APOH: variants seen among roughly 807,000 people sequenced by gnomAD.
APOH encodes beta-2-glycoprotein 1.
Under a neutral mutation model 39.8 loss-of-function variants are expected in APOH, and 48 were observed. The ratio of observed to expected loss-of-function variants is 1.21; its 90% confidence interval spans 0.96 to 1.54. The LOEUF is 1.54. Ranked by LOEUF, APOH falls within the 40% of genes most tolerant of loss-of-function variation. The pLI is 0.00. For synonymous variants in APOH, 153 were observed against 151.1 expected (o/e 1.01, Z -0.09); for missense variants, 415 against 421.2 (o/e 0.99, Z 0.13).
chr17:66,229,143 G>A (rs2073459120), intron 1 of APOH, among the ~76,000 whole-genome samples, 173 bp downstream of exon 1: 1 of 151,988 alleles, frequency 6.6e-6, no homozygotes, highest in Non-Finnish European at 1.5e-5. Flanking sequence ...CACCATGTTG[G>A]CCAGACTGGT....
chr17:66,220,423 A>AT (rs2073390102), intron 5 of APOH, 131 bp downstream of exon 5: 9 of 832,540 alleles, frequency 1.1e-5, no homozygotes, highest in Middle Eastern at 3.1e-4. Flanking sequence ...TGCCTGGCAC[A>AT]TGGTAGATGC....
chr17:66,224,678 G>A (rs1180729829), intron 3 of APOH, among the ~76,000 whole-genome samples: 3 of 50,884 alleles, frequency 5.9e-5, no homozygotes, highest in African/African-American at 3.2e-4. Flanking sequence ...GAAGGGAAGG[G>A]AAGGGAAGGG....
At chr17:66,225,033 C>T (rs1263833543) in intron 3 of APOH, among the ~76,000 whole-genome samples, 1 of 149,828 alleles carries the variant, frequency 6.7e-6, no homozygotes, top group Non-Finnish European at 1.5e-5. Flanking sequence ...CACCACTGCA[C>T]TCTAGCCTGG....
intron 7 of APOH, 120 bp from the exon 8 acceptor site, chr17:66,212,308 TG>T (rs1239957149): frequency 2.6e-6 from 2 of 757,342 alleles, no homozygotes; most frequent in East Asian, 5.5e-5. Flanking sequence ...ATTATGTGAA[TG>T]AAACCATTTA....
At chr17:66,222,292 G>A (rs534232498) in intron 4 of APOH, among the ~76,000 whole-genome samples, 1 of 152,020 alleles carries the variant, frequency 6.6e-6, no homozygotes, top group Non-Finnish European at 1.5e-5. Context: ...AGGAGACTGA[G>A]AGGATCACTT....
intron 7 of APOH, among the ~76,000 whole-genome samples, chr17:66,212,808 A>AG (rs1191806620): frequency 2.0e-5 from 3 of 152,230 alleles, no homozygotes; most frequent in African/African-American, 7.2e-5. Flanking sequence ...AAAGACCATA[A>AG]GGGAGAAGAT....
At chr17:66,219,500 T>C (rs2073384752) in intron 5 of APOH, among the ~76,000 whole-genome samples, 1 of 152,170 alleles carries the variant, frequency 6.6e-6, no homozygotes, top group Admixed American at 6.5e-5. Context: ...GGCCCATAGT[T>C]GAGTGCCCAG....
Position 66,216,828 on chromosome 17 carries a change from AC to A in APOH, c.743del (p.Cys248LeufsTer21). ...YSLDGPEEIE[C>X]TKLGNWSAMP... ...TGGCAGACCAGTTTCCCAGTTTGGT[AC>A]ATTCTATTTCTTCCGGGCCATCCAG... is the stretch of plus-strand genomic sequence containing the variant. On this transcript the variant is annotated frameshift_variant, in exon 6 of 8. Coordinates refer to ENST00000205948, the MANE Select transcript of APOH (RefSeq NM_000042.3). LOFTEE classifies it high-confidence loss of function. 2.5e-6 allele frequency: 4 copies of A among 1,609,742 alleles called. No homozygotes were observed. In the Admixed American group the frequency reaches 5.1e-5, roughly 20 times the overall value.
intron 3 of APOH, among the ~76,000 whole-genome samples, chr17:66,224,423 A>G (rs1402059036): frequency 1.5e-5 from 2 of 133,808 alleles, no homozygotes; most frequent in African/African-American, 5.7e-5. Context: ...GCAGTGAGCC[A>G]TGATTGTGCC....
intron 2 of APOH, 96 bp downstream of exon 2, chr17:66,227,924 G>A: frequency 7.6e-7 from 1 of 1,322,896 alleles, no homozygotes; most frequent in Non-Finnish European, 1.1e-6. Flanking sequence ...GCATCTACTG[G>A]CCCTCTGCAC....
intron 2 of APOH, among the ~76,000 whole-genome samples, chr17:66,226,891 A>ATTTTT (rs1314489486): frequency 4.1e-5 from 4 of 96,644 alleles, no homozygotes; most frequent in African/African-American, 1.7e-4. Context: ...TTATTTATTT[A>ATTTTT]TTTATTTTTT....
At chr17:66,220,478 T>C (rs929732884) in intron 5 of APOH, 76 bp downstream of exon 5, 51 of 1,404,958 alleles carry the variant, frequency 3.6e-5, no homozygotes, top group African/African-American at 8.4e-5. Context: ...CACTCCATGA[T>C]AGTCAGAATT....
chr17:66,220,298 C>T (rs757732490), intron 5 of APOH, among the ~76,000 whole-genome samples: 1 of 152,174 alleles, frequency 6.6e-6, no homozygotes, highest in Non-Finnish European at 1.5e-5. Context: ...TTTCAAAGGT[C>T]ACCACCTATG....
chr17:66,218,616 T>C (rs2146993420), intron 5 of APOH, among the ~76,000 whole-genome samples: 2 of 152,258 alleles, frequency 1.3e-5, no homozygotes, highest in African/African-American at 4.8e-5. Flanking sequence ...AATCTAATCA[T>C]GAGTAAATAA....
chr17:66,221,413 AAGG>A lies in APOH; in HGVS notation c.416-674_416-672del, dbSNP rs201177771. Among the ~76,000 whole-genome samples, 61 of 66,698 alleles carry A rather than the reference AAGG, an allele frequency of 9.1e-4. 4 individuals carry two copies. Among genetic ancestry groups the A allele is most frequent in the African/African-American group, 3.0e-3 (28 of 9,332 alleles). 43.8% of individuals were successfully genotyped at this position (66,698 alleles called of 152,430 possible). A position where few individuals can be genotyped will look rare whatever the true frequency, so the allele number is the denominator to read the frequency against. ...GAAGGAAGGAAGGAAGGAAGGAAGGAAGGAAGGAAGGAAGGAAGCCCTCAAGTC... is the reference window on the plus strand; with the variant it reads ...GAAGGAAGGAAGGAAGGAAGGAAGGAAAGGAAGGAAGGAAGCCCTCAAGTC... On this transcript the variant is annotated intron_variant, in intron 4 of 7. Coordinates refer to ENST00000205948, the MANE Select transcript of APOH (RefSeq NM_000042.3).
intron 2 of APOH, among the ~76,000 whole-genome samples, chr17:66,226,676 T>C (rs2073441724): frequency 6.6e-6 from 1 of 151,802 alleles, no homozygotes; most frequent in African/African-American, 2.4e-5. Flanking sequence ...CTGTTTTAAT[T>C]AATCATGGTA....
chr17:66,224,798 G>A (rs1192615429), intron 3 of APOH, among the ~76,000 whole-genome samples: 1 of 151,196 alleles, frequency 6.6e-6, no homozygotes, highest in African/African-American at 2.4e-5. Flanking sequence ...GGATGCCATG[G>A]TGGCTCACAC....
In APOH at chr17:66,226,135, A is replaced by C; in HGVS notation, c.242-11T>G. 6.3e-7 allele frequency: 1 copy of C among 1,583,170 alleles called. No homozygotes were observed. Among genetic ancestry groups the C allele is most frequent in the South Asian group, 1.2e-5 (1 of 84,596 alleles). On this transcript the variant is annotated splice_polypyrimidine_tract_variant and intron_variant, in intron 2 of 7. Coordinates refer to ENST00000205948, the MANE Select transcript of APOH (RefSeq NM_000042.3). ...AAGGACATACTCTGGCTGTGATACA[A>C]AGATAAAAAATGTTACTTTTCTTTG... is the stretch of plus-strand genomic sequence containing the variant.
Position 66,223,696 on chromosome 17 carries a change from A to C in APOH, c.415+2T>G, listed in dbSNP as rs113259776. 26 of 1,614,084 alleles carry C rather than the reference A, an allele frequency of 1.6e-5. 1 individual carries two copies. In the South Asian group the frequency reaches 2.7e-4, roughly 17 times the overall value. ...AGCTGATCACCTTGCCCACAGACTT[A>C]CGAGCACAGACAGGAAGCTCCGGGC... On this transcript the variant is annotated splice_donor_variant, in intron 4 of 7. Transcript: ENST00000205948. LOFTEE classifies it high-confidence loss of function.
Sources: allele counts gnomAD v4.1 joint callset (sites outside exome capture counted in the v4.1 genomes callset), GRCh38; gene constraint gnomAD v4.1.1; transcripts MANE v1.5; gene names NCBI Gene and HGNC (gene_info 2026-07-23, HGNC 2026-07-21).